The following ATF6 variants were observed in gnomAD, a reference collection of about 807,000 sequenced individuals.
The protein encoded by ATF6 is cyclic AMP-dependent transcription factor ATF-6 alpha.
ATF6 carries 53 observed loss-of-function variants against 83.6 expected under a neutral mutation model. The observed-to-expected ratio is 0.63, with a 90% CI of 0.51 to 0.80. The LOEUF (loss-of-function observed/expected upper bound fraction) is 0.80. ATF6 is among the 30% of genes least tolerant of loss of function. The probability of loss-of-function intolerance (pLI) is 0.00; values close to 1 mark genes in which losing one functional copy is unlikely to be tolerated. For missense variants in ATF6, 744 were observed against 797.9 expected, an observed-to-expected ratio of 0.93 and a Z score of 0.81; for synonymous variants, 288 against 285.8, an observed-to-expected ratio of 1.01 and a Z score of -0.08.
intron 15 of ATF6, among the ~76,000 whole-genome samples, chr1:161,948,049 C>T (rs915817813): frequency 3.9e-5 from 6 of 152,044 alleles, no homozygotes; most frequent in African/African-American, 1.4e-4. Flanking sequence ...GTCTCGAACT[C>T]CTGACCTCAA....
chr1:161,946,796 A>G (rs1383417427), intron 15 of ATF6, among the ~76,000 whole-genome samples: 2 of 152,212 alleles, frequency 1.3e-5, no homozygotes, highest in African/African-American at 4.8e-5. Context: ...TTGTGATTTT[A>G]GTTTCTAAAA....
In ATF6 at chr1:161,960,967, T is replaced by TA. The variant is rs1488619846; in HGVS notation, c.*2316dup. The TA allele has an allele frequency of 2.0e-5, 3 of 152,264 alleles. No individual in the cohort carries two copies. Among genetic ancestry groups the TA allele is most frequent in the Non-Finnish European group, 2.9e-5 (2 of 68,060 alleles). 9.4% of individuals were successfully genotyped at this position (152,264 alleles called of 1,614,324 possible). On this transcript the variant is annotated 3_prime_UTR_variant, in exon 16 of 16. Transcript: ENST00000367942. ...CTGTCATACGTTATCATGGTCAATG[T>TA]AAACCTGGTTTGTGTGGGGTGATTA...
chr1:161,957,378 T>C (rs1389083678), intron 15 of ATF6, among the ~76,000 whole-genome samples: 1 of 152,224 alleles, frequency 6.6e-6, no homozygotes, highest in African/African-American at 2.4e-5. Flanking sequence ...CAAACTCAGA[T>C]GCCATATTAA....
At chr1:161,953,173 G>A (rs867634632) in intron 15 of ATF6, among the ~76,000 whole-genome samples, 1 of 152,188 alleles carries the variant, frequency 6.6e-6, no homozygotes, top group East Asian at 1.9e-4. Context: ...TCATGTAAAA[G>A]TACTTTATAT....
At chr1:161,916,097 C>T (rs141309482) in intron 15 of ATF6, among the ~76,000 whole-genome samples, 2 of 152,292 alleles carry the variant, frequency 1.3e-5, no homozygotes, top group Admixed American at 6.5e-5. Flanking sequence ...TGCCATTTCA[C>T]TTCATGAAAT....
chr1:161,886,260 A>G (rs747617112), intron 14 of ATF6, among the ~76,000 whole-genome samples: 2 of 152,242 alleles, frequency 1.3e-5, no homozygotes, highest in Non-Finnish European at 2.9e-5. Context: ...CTTAACCTGT[A>G]GAAGACAGAA....
intron 9 of ATF6, 34 bp downstream of exon 9, chr1:161,821,195 G>A: frequency 2.9e-6 from 4 of 1,395,258 alleles, no homozygotes; most frequent in Non-Finnish European, 4.0e-6. Context: ...GGACACTAAT[G>A]CTAAAAACTT....
intron 7 of ATF6, among the ~76,000 whole-genome samples, chr1:161,811,763 C>CCATT (rs2101770083): frequency 1.5e-5 from 2 of 129,852 alleles, no homozygotes; most frequent in South Asian, 5.1e-4. Flanking sequence ...ATCCAACCAT[C>CCATT]CATCCATCCA....
At position 161,958,755 on chromosome 1, in the gene ATF6, G is replaced by A; in HGVS notation, c.*101G>A. 1 of 972,424 alleles carries A rather than the reference G, an allele frequency of 1.0e-6. No individual in the cohort carries two copies. The highest frequency in any genetic ancestry group is 1.8e-5 in the South Asian group (1 of 54,830). The allele number at this position is 972,424 out of a possible 1,614,324, so 60.2% of individuals were successfully genotyped here. A position where few individuals can be genotyped will look rare whatever the true frequency, so the allele number is the denominator to read the frequency against. On this transcript the variant is annotated 3_prime_UTR_variant, in exon 16 of 16. Coordinates refer to ENST00000367942, the MANE Select transcript of ATF6 (RefSeq NM_007348.4). ...CTGCCTTGGTGGCAGGCAGAGAACT[G>A]TCTCGTACTAGAATTCAAGGAGGAA...
intron 14 of ATF6, among the ~76,000 whole-genome samples, chr1:161,873,664 G>T (rs1375156149): frequency 6.6e-6 from 1 of 151,526 alleles, no homozygotes; most frequent in Admixed American, 6.6e-5. Flanking sequence ...CTCATTATGG[G>T]TAGGCTTTGA....
chr1:161,820,924 ATTTT>A, intron 8 of ATF6, 142 bp from the exon 9 acceptor site: 2 of 356,944 alleles, frequency 5.6e-6, no homozygotes, highest in Non-Finnish European at 9.8e-6. Context: ...CTCACCTTTG[ATTTT>A]TTTTTTTTTT....
chr1:161,770,770 A>G (rs941563117), intron 1 of ATF6, among the ~76,000 whole-genome samples: 5 of 152,270 alleles, frequency 3.3e-5, no homozygotes, highest in African/African-American at 1.2e-4. Flanking sequence ...GCAATTATAT[A>G]TAAAACTGCT....
chr1:161,783,952 T>A, intron 3 of ATF6, 38 bp from the exon 4 acceptor site: 1 of 1,332,056 alleles, frequency 7.5e-7, no homozygotes, highest in Non-Finnish European at 1.1e-6. Context: ...TAAGTTTTTA[T>A]TGTCCAGTGG....
At chr1:161,825,744 A>G (rs1271920374) in intron 9 of ATF6, among the ~76,000 whole-genome samples, 1 of 152,088 alleles carries the variant, frequency 6.6e-6, no homozygotes, top group Non-Finnish European at 1.5e-5. Context: ...AGGGGTTTTT[A>G]TGGAGCTTCA....
rs954929196 is a variant in ATF6, at chr1:161,959,656, C to T, written c.*1002C>T. 5.9e-5 allele frequency: 7 copies of T among 119,106 alleles called. No homozygotes were observed. The highest frequency in any genetic ancestry group is 9.8e-5 in the Non-Finnish European group (6 of 61,144). 7.4% of individuals were successfully genotyped at this position (119,106 alleles called of 1,614,324 possible). ...CTGCACTCCAGCCTGGGCGACAGAG[C>T]GAGACTCCGTCTCAAAAAAAAAAAA... is the stretch of plus-strand genomic sequence containing the variant. On this transcript the variant is annotated 3_prime_UTR_variant, in exon 16 of 16. Coordinates refer to ENST00000367942, the MANE Select transcript of ATF6 (RefSeq NM_007348.4).
chr1:161,923,514 T>C (rs1688255486), intron 15 of ATF6, among the ~76,000 whole-genome samples: 2 of 152,196 alleles, frequency 1.3e-5, no homozygotes, highest in African/African-American at 4.8e-5. Context: ...AAGGTAAACC[T>C]GGAAATAAAT....
chr1:161,798,199 A>G (rs1685065447), intron 6 of ATF6, among the ~76,000 whole-genome samples: 1 of 152,230 alleles, frequency 6.6e-6, no homozygotes, highest in African/African-American at 2.4e-5. Context: ...GGCTCAAATT[A>G]TAAAAACCCT....
chr1:161,878,086 A>C (rs574505637), intron 14 of ATF6, among the ~76,000 whole-genome samples: 75 of 152,198 alleles, frequency 4.9e-4, no homozygotes, highest in Middle Eastern at 3.4e-3. Flanking sequence ...TGAGCTAAGA[A>C]GAGTAATTAA....
chr1:161,918,881 T>C (rs1291610958), intron 15 of ATF6, among the ~76,000 whole-genome samples: 1 of 152,166 alleles, frequency 6.6e-6, no homozygotes, highest in Non-Finnish European at 1.5e-5. Flanking sequence ...GATGGGGATA[T>C]TTGTAAGATG....
Sources: allele counts gnomAD v4.1 joint callset (sites outside exome capture counted in the v4.1 genomes callset), GRCh38; gene constraint gnomAD v4.1.1; transcripts MANE v1.5; gene names NCBI Gene and HGNC (gene_info 2026-07-23, HGNC 2026-07-21).